Variants in ZNF559 observed in about 807,000 individuals in gnomAD.
ZNF559 encodes zinc finger protein 559.
ZNF559 carries 17 observed loss-of-function variants against 14.2 expected under a neutral mutation model. The ratio of observed to expected loss-of-function variants is 1.20; its 90% CI spans 0.82 to 1.80. ZNF559 has a LOEUF of 1.80. ZNF559 is among the 40% of genes most tolerant of loss of function. The pLI is 0.00. For missense variants in ZNF559, 740 were observed against 629.7 expected, an observed-to-expected ratio of 1.18 and a Z score of -1.88; for synonymous variants, 244 against 212.4, an observed-to-expected ratio of 1.15 and a Z score of -1.29.
rs773352713 is a variant in ZNF559, at chr19:9,342,130, G to T, written c.679G>T (p.Ala227Ser). ...TGTCGAAACCTTTTCTCATTCTACA[G>T]CCCTTTTTGTACACATGCAAACTCA... ...EYVETFSHSTALFVHMQTQDG... is the reference protein window; with the variant it reads ...EYVETFSHSTSLFVHMQTQDG... Residue 227 changes from alanine (A) to serine (S), a missense_variant, in exon 7 of 7, where the codon GCC (alanine) becomes TCC (serine). Transcript: ENST00000603380. 1 of 1,613,524 alleles carries T rather than the reference G, an allele frequency of 6.2e-7. No homozygotes were observed. Among genetic ancestry groups the T allele is most frequent in the East Asian group, 2.2e-5 (1 of 44,872 alleles).
chr19:9,334,953 T>C (rs2067146719), intron 2 of ZNF559, among the ~76,000 whole-genome samples: 1 of 151,864 alleles, frequency 6.6e-6, no homozygotes, highest in African/African-American at 2.4e-5. Context: ...GCTAGCATGG[T>C]GAAACCCCTT....
intron 2 of ZNF559, among the ~76,000 whole-genome samples, chr19:9,330,471 C>T (rs946645009): frequency 7.2e-5 from 11 of 152,268 alleles, no homozygotes; most frequent in African/African-American, 2.6e-4. Flanking sequence ...CAGAGTTCCA[C>T]AGGTTCTTTA....
At position 9,341,091 on chromosome 19, in the gene ZNF559, T is replaced by A. The variant is rs775485170; in HGVS notation, c.161-11T>A. ...CTCTAAGAACTTAAAATTTTTTTCA[T>A]CTTATTTCAGATTGGGAGAGTCATA... On this transcript the variant is annotated splice_polypyrimidine_tract_variant and intron_variant, in intron 5 of 6. Transcript: ENST00000603380. The A allele has an allele frequency of 6.3e-7, 1 of 1,587,774 alleles. No homozygotes were observed. Among genetic ancestry groups the A allele is most frequent in the Non-Finnish European group, 8.5e-7 (1 of 1,173,000 alleles).
At chr19:9,336,215 T>G (rs2067229804) in intron 2 of ZNF559, among the ~76,000 whole-genome samples, 1 of 152,162 alleles carries the variant, frequency 6.6e-6, no homozygotes, top group South Asian at 2.1e-4. Context: ...TTTATATGTG[T>G]GTGTGTGGTA....
In ZNF559 at chr19:9,342,384, A is replaced by G; in HGVS notation, c.933A>G (p.Lys311=). ...ECGKEFTCFS[K]LNIHIRVHTG... ...GCAAAGAATTTACTTGTTTCTCAAA[A>G]CTCAACATTCACATAAGGGTTCACA... Residue 311 remains lysine, a synonymous_variant, in exon 7 of 7, where the codon AAA becomes AAG. Transcript: ENST00000603380. The G allele has an allele frequency of 6.2e-7, 1 of 1,610,448 alleles. No homozygotes were observed. The highest frequency in any genetic ancestry group is 8.5e-7 in the Non-Finnish European group (1 of 1,178,552).
intron 2 of ZNF559, among the ~76,000 whole-genome samples, chr19:9,330,972 T>A (rs184285654): frequency 1.2e-4 from 19 of 152,322 alleles, no homozygotes; most frequent in South Asian, 4.1e-4. Flanking sequence ...TTAGCAGTGC[T>A]CCATATGAGA....
At chr19:9,338,945 A>G (rs930895994) in intron 4 of ZNF559, among the ~76,000 whole-genome samples, 5 of 152,118 alleles carry the variant, frequency 3.3e-5, no homozygotes, top group Admixed American at 6.5e-5. Flanking sequence ...GTAGAGAACA[A>G]TAAGAAGAAG....
At position 9,343,074 on chromosome 19, in the gene ZNF559, G is replaced by T. The variant is rs764641738; in HGVS notation, c.*6G>T. On this transcript the variant is annotated 3_prime_UTR_variant, in exon 7 of 7. Transcript: ENST00000603380. ...GCCTTACTGAATGTGTGTGAATTGG[G>T]GCTGATACTTGGAAAGAATGTGGTA... 3 of 1,601,544 alleles carry T rather than the reference G, an allele frequency of 1.9e-6. No individual in the cohort carries two copies. The highest frequency in any genetic ancestry group is 1.7e-6 in the Non-Finnish European group (2 of 1,174,636).
intron 2 of ZNF559, among the ~76,000 whole-genome samples, chr19:9,335,681 C>T (rs1250050217): frequency 3.9e-5 from 6 of 152,294 alleles, no homozygotes; most frequent in South Asian, 2.1e-4. Context: ...ACTACAGACA[C>T]GTACCACCAC....
intron 6 of ZNF559, 110 bp downstream of exon 6, chr19:9,341,294 T>C (rs2067567915): frequency 9.3e-7 from 1 of 1,072,472 alleles, no homozygotes; most frequent in Admixed American, 1.9e-5. Flanking sequence ...ACTAGTGTTT[T>C]TCACCCAAAA....
At chr19:9,329,295 AC>A (rs1329997575) in intron 2 of ZNF559, among the ~76,000 whole-genome samples, 1 of 152,076 alleles carries the variant, frequency 6.6e-6, no homozygotes, top group Non-Finnish European at 1.5e-5. Context: ...TTTTCTTATT[AC>A]TATTTTGTCT....
chr19:9,325,648 C>T (rs566701571), intron 2 of ZNF559, among the ~76,000 whole-genome samples: 11 of 151,878 alleles, frequency 7.2e-5, no homozygotes, highest in East Asian at 1.9e-4. Context: ...AAAAATTAGC[C>T]GGGCGTGGGC....
Position 9,343,390 on chromosome 19 carries a change from G to A in ZNF559, c.*322G>A. ...CTGGAGAGAAATGCTATGAATGTGAGGAAGGTGGAAAAGCTTTCATTATTT... is the reference window on the plus strand; with the variant it reads ...CTGGAGAGAAATGCTATGAATGTGAAGAAGGTGGAAAAGCTTTCATTATTT... On this transcript the variant is annotated 3_prime_UTR_variant, in exon 7 of 7. Coordinates refer to ENST00000603380, the MANE Select transcript of ZNF559 (RefSeq NM_032497.3). The A allele has an allele frequency of 9.0e-7, 1 of 1,109,470 alleles. No homozygotes were observed. Among genetic ancestry groups the A allele is most frequent in the Non-Finnish European group, 1.1e-6 (1 of 907,206 alleles). 68.7% of individuals were successfully genotyped at this position (1,109,470 alleles called of 1,614,324 possible). A position where few individuals can be genotyped will look rare whatever the true frequency, so the allele number is the denominator to read the frequency against.
chr19:9,323,849 G>A (rs1338847760), upstream of ZNF559: 2 of 357,178 alleles, frequency 5.6e-6, no homozygotes, highest in Non-Finnish European at 1.0e-5. Flanking sequence ...TTCTGTTTCG[G>A]AGCCCTTGAG....
chr19:9,326,988 A>G (rs1440636770), intron 2 of ZNF559, among the ~76,000 whole-genome samples: 1 of 152,226 alleles, frequency 6.6e-6, no homozygotes, highest in Admixed American at 6.5e-5. Flanking sequence ...ACATGGGGCT[A>G]GTGGCTGTTG....
intron 5 of ZNF559, among the ~76,000 whole-genome samples, chr19:9,340,795 T>G (rs1435056218): frequency 6.9e-6 from 1 of 145,970 alleles, no homozygotes; most frequent in Non-Finnish European, 1.5e-5. Flanking sequence ...CAGGACTCAA[T>G]CTCCTGACCT....
At position 9,336,469 on chromosome 19, in the gene ZNF559, T is replaced by A. The variant is rs142449135; in HGVS notation, c.-119-1327T>A. 2.3e-3 allele frequency among the ~76,000 whole-genome samples: 355 copies of A among 152,116 alleles called. 4 individuals are homozygous for A. Among genetic ancestry groups the A allele is most frequent in the African/African-American group, 8.3e-3 (343 of 41,494 alleles). ...AGCTGGGGTTGGTGGTGCATGCCTG[T>A]AATCCCAGCTACTCGGGAGGCTGAG... On this transcript the variant is annotated intron_variant, in intron 2 of 6. Coordinates refer to ENST00000603380, the MANE Select transcript of ZNF559 (RefSeq NM_032497.3).
chr19:9,333,100 A>T (rs1052204186), intron 2 of ZNF559: 3 of 152,184 alleles, frequency 2.0e-5, no homozygotes, highest in Admixed American at 6.5e-5. Flanking sequence ...TCTTCTGAAT[A>T]GCTTGGAGTA....
At position 9,338,583 on chromosome 19, in the gene ZNF559, G is replaced by T. The variant is rs1319096455; in HGVS notation, c.33+1G>T. ...TGGGTGGTTGACAAATTACTCTCAGGTAAGTAGGAAATTGCTTTTTCTGTA... is the reference window on the plus strand; with the variant it reads ...TGGGTGGTTGACAAATTACTCTCAGTTAAGTAGGAAATTGCTTTTTCTGTA... On this transcript the variant is annotated splice_donor_variant, in intron 4 of 6. Transcript: ENST00000603380. LOFTEE classifies it high-confidence loss of function. The T allele has an allele frequency of 1.9e-6, 3 of 1,612,272 alleles. No individual in the cohort carries two copies. The highest frequency in any genetic ancestry group is 2.5e-6 in the Non-Finnish European group (3 of 1,178,520).
Sources: allele counts gnomAD v4.1 joint callset (sites outside exome capture counted in the v4.1 genomes callset), GRCh38; gene constraint gnomAD v4.1.1; transcripts MANE v1.5; gene names NCBI Gene and HGNC (gene_info 2026-07-23, HGNC 2026-07-21).